Variants in IGSF11 observed in about 807,000 individuals in gnomAD.
IGSF11 encodes immunoglobulin superfamily member 11, also known as CXADR like 1.
Under a neutral mutation model 41.0 loss-of-function variants are expected in IGSF11, and 22 were observed. The ratio of observed to expected loss-of-function variants is 0.54; its 90% CI spans 0.38 to 0.77. The LOEUF (loss-of-function observed/expected upper bound fraction) is 0.77, where lower values mean the gene tolerates loss of function less well. IGSF11 is among the 30% of genes least tolerant of loss of function. IGSF11 has a pLI of 0.00. For synonymous variants in IGSF11, 219 were observed against 201.3 expected (o/e 1.09, Z -0.74); for missense variants, 444 against 530.8 (o/e 0.84, Z 1.61).
At chr3:119,016,044 T>C (rs1049284525) in intron 1 of IGSF11, among the ~76,000 whole-genome samples, 1 of 152,102 alleles carries the variant, frequency 6.6e-6, no homozygotes, top group Non-Finnish European at 1.5e-5. Context: ...CCAGTCTGAG[T>C]AGACCAGGCA....
chr3:119,006,133 T>A (rs1034908923), intron 1 of IGSF11, among the ~76,000 whole-genome samples: 4 of 120,132 alleles, frequency 3.3e-5, no homozygotes, highest in South Asian at 3.0e-4. Flanking sequence ...TTTCACATAG[T>A]CCCATATTTC....
At chr3:118,971,574 G>A (rs1005447552) in intron 1 of IGSF11, among the ~76,000 whole-genome samples, 1 of 152,144 alleles carries the variant, frequency 6.6e-6, no homozygotes, top group Non-Finnish European at 1.5e-5. Flanking sequence ...GGAGGCCGAG[G>A]TGGGTGCATC....
intron 1 of IGSF11, among the ~76,000 whole-genome samples, chr3:119,058,458 A>T (rs1446195788): frequency 1.3e-5 from 2 of 151,904 alleles, no homozygotes; most frequent in East Asian, 3.9e-4. Flanking sequence ...GGCAATCATT[A>T]AAAAGTCAGG....
chr3:119,017,039 CA>C (rs60190891), intron 1 of IGSF11, among the ~76,000 whole-genome samples: 3,527 of 88,208 alleles, frequency 0.04, 34 homozygotes, highest in Middle Eastern at 0.068. Flanking sequence ...GGACGCAGGA[CA>C]AAAAAAAAAA....
chr3:119,109,555 A>C (rs1157868682), upstream of IGSF11, among the ~76,000 whole-genome samples: 1 of 151,624 alleles, frequency 6.6e-6, no homozygotes, highest in Non-Finnish European at 1.5e-5. Flanking sequence ...TGGATTCATT[A>C]ATTTTTTGAA....
intron 1 of IGSF11, among the ~76,000 whole-genome samples, chr3:119,116,652 A>G (rs1250940690): frequency 2.6e-5 from 4 of 152,242 alleles, no homozygotes; most frequent in East Asian, 1.9e-4. Context: ...TAAAGCTAAT[A>G]GGAAGCCATC....
chr3:119,016,729 C>G (rs1338306808), intron 1 of IGSF11, among the ~76,000 whole-genome samples: 1 of 152,166 alleles, frequency 6.6e-6, no homozygotes, highest in Non-Finnish European at 1.5e-5. Context: ...ACGCTCCTTT[C>G]CACACGACTA....
At chr3:118,935,775 T>C (rs1426859733) in intron 1 of IGSF11, among the ~76,000 whole-genome samples, 1 of 152,132 alleles carries the variant, frequency 6.6e-6, no homozygotes, top group Admixed American at 6.5e-5. Context: ...TCTAGACTCC[T>C]AGAGGGTATC....
intron 1 of IGSF11, among the ~76,000 whole-genome samples, chr3:118,938,389 C>T (rs1576423666): frequency 6.6e-6 from 1 of 152,198 alleles, no homozygotes; most frequent in Admixed American, 6.5e-5. Flanking sequence ...AGGATCCCCA[C>T]CCACTTCCTG....
intron 1 of IGSF11, among the ~76,000 whole-genome samples, chr3:118,949,931 T>G (rs1462867120): frequency 6.6e-6 from 1 of 152,170 alleles, no homozygotes; most frequent in African/African-American, 2.4e-5. Flanking sequence ...TTGAAATTAA[T>G]TTACCAATGA....
intron 1 of IGSF11, among the ~76,000 whole-genome samples, chr3:119,123,487 A>G (rs1216842373): frequency 6.6e-6 from 1 of 152,224 alleles, no homozygotes; most frequent in East Asian, 1.9e-4. Flanking sequence ...CTGATTGTAC[A>G]GCCCTAGGGC....
rs549360682 is a variant in IGSF11, at chr3:119,051,294, T to C, written c.49+53850A>G. 4.4e-4 allele frequency among the ~76,000 whole-genome samples: 67 copies of C among 151,720 alleles called. 1 individual carries two copies. The highest frequency in any genetic ancestry group is 1.6e-3 in the African/African-American group (65 of 41,392). Reference sequence around the variant, plus strand: ...GGTAGAAAAAGATATTCCATGCAAATGGAAACCAAAAGTAAGCAGGAGTAG... The same window carrying C: ...GGTAGAAAAAGATATTCCATGCAAACGGAAACCAAAAGTAAGCAGGAGTAG... On this transcript the variant is annotated intron_variant, in intron 1 of 6. Coordinates refer to the IGSF11 transcript ENST00000354673.
At chr3:119,033,596 CA>C (rs1453910410) in intron 1 of IGSF11, among the ~76,000 whole-genome samples, 1 of 152,042 alleles carries the variant, frequency 6.6e-6, no homozygotes, top group African/African-American at 2.4e-5. Flanking sequence ...CGAATAAGGC[CA>C]TGAAATGACT....
At chr3:119,064,166 C>T (rs192339704) in intron 1 of IGSF11, among the ~76,000 whole-genome samples, 2 of 152,264 alleles carry the variant, frequency 1.3e-5, no homozygotes, top group Admixed American at 1.3e-4. Flanking sequence ...AGTTCTCCTA[C>T]ATTTTACTCT....
intron 4 of IGSF11, among the ~76,000 whole-genome samples, chr3:118,922,141 T>G (rs1369606665): frequency 1.3e-5 from 2 of 152,106 alleles, no homozygotes; most frequent in Admixed American, 1.3e-4. Flanking sequence ...TCAAAAAGAC[T>G]TTATTCCATA....
chr3:118,909,554 A>G (rs1940022516), intron 4 of IGSF11, among the ~76,000 whole-genome samples: 1 of 152,214 alleles, frequency 6.6e-6, no homozygotes, highest in Admixed American at 6.5e-5. Context: ...AGAAAATTTT[A>G]TTTCATTTTG....
At chr3:119,058,732 C>T (rs1941947147) in intron 1 of IGSF11, among the ~76,000 whole-genome samples, 1 of 152,092 alleles carries the variant, frequency 6.6e-6, no homozygotes, top group Non-Finnish European at 1.5e-5. Flanking sequence ...CCCAAATGTC[C>T]AACAATGATA....
intron 1 of IGSF11, among the ~76,000 whole-genome samples, chr3:118,993,672 A>G (rs952642246): frequency 6.6e-6 from 1 of 152,244 alleles, no homozygotes; most frequent in Non-Finnish European, 1.5e-5. Flanking sequence ...ATTATTCAGC[A>G]ATAAAAAGCA....
In IGSF11 at chr3:119,098,127, C is replaced by G. The variant is rs146471064; in HGVS notation, c.49+7017G>C. Reference sequence around the variant, plus strand: ...TTTGGTTTTCTTTTGGAGAACAAAGCTTATGTGGGAAACAGTATAGTACAG... The same window carrying G: ...TTTGGTTTTCTTTTGGAGAACAAAGGTTATGTGGGAAACAGTATAGTACAG... On this transcript the variant is annotated intron_variant, in intron 1 of 6. Transcript: ENST00000354673. Among the ~76,000 whole-genome samples the G allele has an allele frequency of 1.3e-4, 20 of 151,856 alleles. No homozygotes were observed. The East Asian group carries it at 3.9e-3, about 29-fold the overall frequency.
Sources: allele counts gnomAD v4.1 joint callset (sites outside exome capture counted in the v4.1 genomes callset), GRCh38; gene constraint gnomAD v4.1.1; transcripts MANE v1.5; gene names NCBI Gene and HGNC (gene_info 2026-07-23, HGNC 2026-07-21).